Variants in GPC5 observed in about 807,000 individuals in gnomAD.
GPC5 encodes glypican 5.
Under a neutral mutation model 53.9 loss-of-function variants are expected in GPC5, and 47 were observed. The observed-to-expected ratio is 0.87, with a 90% CI of 0.69 to 1.11. The LOEUF (loss-of-function observed/expected upper bound fraction) is 1.11, where lower values mean the gene tolerates loss of function less well. Among genes scored for constraint, GPC5 ranks in the 50% most tolerant of loss-of-function variants. The pLI is 0.00. For synonymous variants in GPC5, 286 were observed against 263.3 expected, an observed-to-expected ratio of 1.09 and a Z score of -0.84; for missense variants, 748 against 713.1, an observed-to-expected ratio of 1.05 and a Z score of -0.56.
chr13:92,035,079 A>G (rs916805491), intron 6 of GPC5, among the ~76,000 whole-genome samples: 5 of 152,034 alleles, frequency 3.3e-5, no homozygotes, highest in African/African-American at 1.2e-4. Context: ...TTGTGTTGTG[A>G]TGGCAGGCGC....
chr13:91,744,852 G>C (rs545345190), intron 4 of GPC5, among the ~76,000 whole-genome samples: 9 of 152,182 alleles, frequency 5.9e-5, no homozygotes, highest in African/African-American at 1.9e-4. Context: ...AATAATGATT[G>C]TGTGAAGAGC....
At chr13:92,732,672 G>T (rs1335793998) in intron 7 of GPC5, among the ~76,000 whole-genome samples, 1 of 151,680 alleles carries the variant, frequency 6.6e-6, no homozygotes, top group Non-Finnish European at 1.5e-5. Flanking sequence ...ACAATTCCTT[G>T]AAGATAATTC....
At chr13:91,648,522 G>A (rs1469371551) in intron 2 of GPC5, among the ~76,000 whole-genome samples, 1 of 151,944 alleles carries the variant, frequency 6.6e-6, no homozygotes, top group Non-Finnish European at 1.5e-5. Context: ...GGCCTTTTAA[G>A]TTTCAGATTA....
At chr13:91,592,648 C>T (rs1479297417) in intron 2 of GPC5, among the ~76,000 whole-genome samples, 3 of 152,222 alleles carry the variant, frequency 2.0e-5, no homozygotes, top group East Asian at 1.9e-4. Flanking sequence ...GCTGTGTGCT[C>T]CAGCCCTGGG....
intron 7 of GPC5, among the ~76,000 whole-genome samples, chr13:92,386,835 A>T (rs1874750508): frequency 6.6e-6 from 1 of 152,088 alleles, no homozygotes; most frequent in African/African-American, 2.4e-5. Flanking sequence ...ATATTTTAAA[A>T]ATACTCTCTG....
At chr13:92,424,332 T>C (rs1876723532) in intron 7 of GPC5, among the ~76,000 whole-genome samples, 1 of 152,108 alleles carries the variant, frequency 6.6e-6, no homozygotes, top group Non-Finnish European at 1.5e-5. Context: ...AAGAGATAAG[T>C]GATTTTATTA....
At chr13:92,660,179 A>T (rs1390302281) in intron 7 of GPC5, among the ~76,000 whole-genome samples, 2 of 152,164 alleles carry the variant, frequency 1.3e-5, no homozygotes, top group Admixed American at 6.6e-5. Context: ...GTATGATTTT[A>T]CCTATAGTAC....
At chr13:92,278,198 A>G (rs2042889475) in intron 7 of GPC5, among the ~76,000 whole-genome samples, 2 of 151,948 alleles carry the variant, frequency 1.3e-5, no homozygotes, top group South Asian at 4.1e-4. Context: ...TGTGGTCTAC[A>G]TATTTAAAAT....
At chr13:92,084,568 G>A (rs986572694) in intron 6 of GPC5, among the ~76,000 whole-genome samples, 11 of 152,196 alleles carry the variant, frequency 7.2e-5, no homozygotes, top group African/African-American at 2.7e-4. Context: ...CGACTGAGCA[G>A]GGTTTGAATC....
At chr13:92,757,806 G>T (rs1874959466) in intron 7 of GPC5, among the ~76,000 whole-genome samples, 1 of 152,240 alleles carries the variant, frequency 6.6e-6, no homozygotes, top group East Asian at 1.9e-4. Context: ...CAGTTAGAAT[G>T]GCAATCATTA....
At chr13:92,582,101 T>C (rs1883391696) in intron 7 of GPC5, among the ~76,000 whole-genome samples, 1 of 152,050 alleles carries the variant, frequency 6.6e-6, no homozygotes, top group South Asian at 2.1e-4. Context: ...TGAGGCCAAA[T>C]CTAAAAAAAT....
chr13:92,043,317 C>A (rs554002644), intron 6 of GPC5, among the ~76,000 whole-genome samples: 1 of 152,248 alleles, frequency 6.6e-6, no homozygotes, highest in South Asian at 2.1e-4. Context: ...TATTCTCCAG[C>A]CACTTTCAGA....
intron 6 of GPC5, among the ~76,000 whole-genome samples, chr13:92,074,917 C>T (rs948172925): frequency 6.6e-6 from 1 of 152,174 alleles, no homozygotes; most frequent in African/African-American, 2.4e-5. Context: ...AGTATTGGCA[C>T]ATAGTTTCTG....
chr13:91,467,468 C>G (rs1198439530), intron 2 of GPC5, among the ~76,000 whole-genome samples: 1 of 152,112 alleles, frequency 6.6e-6, no homozygotes, highest in Non-Finnish European at 1.5e-5. Context: ...TCTCATTCCT[C>G]ATTTTGCTTT....
At chr13:92,363,005 G>A in intron 7 of GPC5, among the ~76,000 whole-genome samples, 1 of 151,580 alleles carries the variant, frequency 6.6e-6, no homozygotes, top group Non-Finnish European at 1.5e-5. Context: ...GAAGAGATTA[G>A]AGTTTACAGA....
At chr13:92,322,476 G>A (rs1237666021) in intron 7 of GPC5, among the ~76,000 whole-genome samples, 1 of 152,100 alleles carries the variant, frequency 6.6e-6, no homozygotes, top group African/African-American at 2.4e-5. Context: ...GAAATTACTG[G>A]AAAATTCTGG....
intron 3 of GPC5, among the ~76,000 whole-genome samples, chr13:91,707,370 C>T (rs1186642396): frequency 6.6e-6 from 1 of 152,142 alleles, no homozygotes; most frequent in African/African-American, 2.4e-5. Context: ...AGCCTGTAAT[C>T]CCAGTGCTTT....
chr13:92,737,780 T>TTC (rs1325692080), intron 7 of GPC5, among the ~76,000 whole-genome samples: 1 of 146,230 alleles, frequency 6.8e-6, no homozygotes, highest in African/African-American at 2.5e-5. Context: ...TTTTTTTTTT[T>TTC]TTTGAGAGGG....
intron 7 of GPC5, among the ~76,000 whole-genome samples, chr13:92,353,062 C>T (rs1346431530): frequency 1.3e-5 from 2 of 151,734 alleles, no homozygotes; most frequent in African/African-American, 4.8e-5. Flanking sequence ...AGATCGAGAC[C>T]ATCCTGGCTA....
Sources: allele counts gnomAD v4.1 joint callset (sites outside exome capture counted in the v4.1 genomes callset), GRCh38; gene constraint gnomAD v4.1.1; transcripts MANE v1.5; gene names NCBI Gene and HGNC (gene_info 2026-07-23, HGNC 2026-07-21).